FMN1: variants seen among roughly 807,000 people sequenced by gnomAD.
FMN1 encodes the protein formin-1.
Under a neutral mutation model 132.4 loss-of-function variants are expected in FMN1, and 110 were observed. The ratio of observed to expected loss-of-function variants is 0.83; its 90% CI spans 0.71 to 0.97. FMN1 has a LOEUF of 0.97. Ranked by LOEUF, FMN1 falls within the 50% of genes least tolerant of loss-of-function variation. The pLI is 0.00. For missense variants in FMN1, 1,792 were observed against 1,705.3 expected (o/e 1.05, Z -0.90); for synonymous variants, 722 against 651.7 (o/e 1.11, Z -1.64).
intron 16 of FMN1, among the ~76,000 whole-genome samples, chr15:32,864,438 T>A (rs2059346883): frequency 1.3e-5 from 2 of 152,222 alleles, no homozygotes; most frequent in Admixed American, 6.5e-5. Flanking sequence ...TCAGCTCAAA[T>A]CAGACAACTG....
chr15:33,119,297 G>C (rs886748126), intron 4 of FMN1, among the ~76,000 whole-genome samples: 3 of 152,138 alleles, frequency 2.0e-5, no homozygotes, highest in Non-Finnish European at 4.4e-5. Context: ...CAAATCCTGG[G>C]AACTGAAATG....
At chr15:32,842,272 G>A (rs762202400) in intron 17 of FMN1, among the ~76,000 whole-genome samples, 5 of 152,214 alleles carry the variant, frequency 3.3e-5, no homozygotes, top group African/African-American at 9.6e-5. Context: ...GTGACTGCAC[G>A]GGCTCTCAGA....
intron 9 of FMN1, among the ~76,000 whole-genome samples, chr15:32,944,866 C>T (rs2061475864): frequency 6.6e-6 from 1 of 152,068 alleles, no homozygotes; most frequent in Non-Finnish European, 1.5e-5. Context: ...AAATCACATG[C>T]TTTTTCCTAT....
intron 16 of FMN1, among the ~76,000 whole-genome samples, chr15:32,864,724 G>T (rs1352071386): frequency 6.6e-6 from 1 of 152,088 alleles, no homozygotes; most frequent in Non-Finnish European, 1.5e-5. Context: ...ACAAACAAGT[G>T]CCTTTTTATA....
chr15:33,121,332 G>A (rs1403821794), intron 4 of FMN1, among the ~76,000 whole-genome samples: 3 of 152,158 alleles, frequency 2.0e-5, no homozygotes, highest in South Asian at 2.1e-4. Flanking sequence ...CAGACCACAT[G>A]GCGGATTCAG....
At chr15:33,083,718 A>G (rs890651460) in intron 5 of FMN1, among the ~76,000 whole-genome samples, 1 of 152,184 alleles carries the variant, frequency 6.6e-6, no homozygotes, top group Non-Finnish European at 1.5e-5. Flanking sequence ...GATGGGTAAA[A>G]TAAGGCTGAG....
At chr15:33,082,151 G>A (rs1472159471) in intron 5 of FMN1, among the ~76,000 whole-genome samples, 1 of 146,680 alleles carries the variant, frequency 6.8e-6, no homozygotes, top group Non-Finnish European at 1.5e-5. Context: ...GTCTCGCTCT[G>A]TCACCTCTGC....
intron 17 of FMN1, among the ~76,000 whole-genome samples, chr15:32,807,927 C>T (rs1378770419): frequency 6.6e-6 from 1 of 152,166 alleles, no homozygotes; most frequent in Non-Finnish European, 1.5e-5. Context: ...ATTTCTCCTA[C>T]TTGAATGTGT....
intron 16 of FMN1, among the ~76,000 whole-genome samples, chr15:32,870,049 CT>C (rs1197459590): frequency 6.6e-6 from 1 of 152,144 alleles, no homozygotes; most frequent in Non-Finnish European, 1.5e-5. Flanking sequence ...TCTAGTTTTC[CT>C]GGTCAAGTGC....
At chr15:32,849,978 A>T (rs1307105340) in intron 17 of FMN1, among the ~76,000 whole-genome samples, 1 of 152,190 alleles carries the variant, frequency 6.6e-6, no homozygotes, top group African/African-American at 2.4e-5. Context: ...TTCATCTTCC[A>T]AGGATTACTG....
At chr15:33,123,666 CAGATTAAGTTTTCCA>C (rs1335122776) in intron 4 of FMN1, among the ~76,000 whole-genome samples, 1 of 152,186 alleles carries the variant, frequency 6.6e-6, no homozygotes, top group Non-Finnish European at 1.5e-5. Context: ...TGTTTTAACA[CAGATTAAGTTTTCCA>C]AGACATGAAC....
At chr15:32,778,544 C>T (rs764661894) in intron 19 of FMN1, among the ~76,000 whole-genome samples, 31 of 151,918 alleles carry the variant, frequency 2.0e-4, no homozygotes, top group South Asian at 8.3e-4. Flanking sequence ...TCAATAAGCA[C>T]GTAAAAAGAT....
chr15:32,924,799 A>G (rs925775225), intron 10 of FMN1, among the ~76,000 whole-genome samples: 8 of 152,156 alleles, frequency 5.3e-5, no homozygotes, highest in Admixed American at 2.6e-4. Context: ...CTGTAATCCC[A>G]GGTACTTGGG....
chr15:32,983,672 G>GA (rs1566790638), intron 7 of FMN1, among the ~76,000 whole-genome samples: 1 of 152,052 alleles, frequency 6.6e-6, no homozygotes, highest in Non-Finnish European at 1.5e-5. Flanking sequence ...TCTCTCTGTT[G>GA]AAAAAAGACA....
chr15:32,961,411 G>C (rs538240041), intron 9 of FMN1, among the ~76,000 whole-genome samples: 105 of 152,116 alleles, frequency 6.9e-4, no homozygotes, highest in Non-Finnish European at 1.2e-3. Flanking sequence ...TAGGATTATA[G>C]GCATGAGCCA....
intron 12 of FMN1, among the ~76,000 whole-genome samples, chr15:32,904,493 C>T (rs1164570585): frequency 6.6e-6 from 1 of 152,080 alleles, no homozygotes; most frequent in Non-Finnish European, 1.5e-5. Flanking sequence ...AAATTTGAGG[C>T]TGGGAGACCT....
intron 9 of FMN1, among the ~76,000 whole-genome samples, chr15:32,953,560 G>A (rs2061698282): frequency 6.6e-6 from 1 of 152,178 alleles, no homozygotes. Context: ...TGAAGCTCTG[G>A]GTCAAAAGTA....
At chr15:32,818,339 T>C (rs2058112516) in intron 17 of FMN1, among the ~76,000 whole-genome samples, 1 of 152,172 alleles carries the variant, frequency 6.6e-6, no homozygotes, top group East Asian at 1.9e-4. Flanking sequence ...AAAGTGAGTA[T>C]GGAACCTATT....
chr15:33,160,383 G>C (rs1964840694), intron 3 of FMN1, among the ~76,000 whole-genome samples: 1 of 152,176 alleles, frequency 6.6e-6, no homozygotes, highest in South Asian at 2.1e-4. Context: ...GATCTTCCCT[G>C]AGCAAATGAA....
Sources: gnomAD v4.1 joint callset for allele counts (sites outside exome capture counted in the v4.1 genomes callset) on GRCh38, gnomAD v4.1.1 for gene constraint, MANE v1.5 for transcripts, NCBI Gene and HGNC (gene_info 2026-07-23, HGNC 2026-07-21) for gene names.